KIF4A: variants seen among roughly 807,000 people sequenced by gnomAD.
The protein encoded by KIF4A is kinesin family member 4A.
A neutral mutation model predicts 105.9 loss-of-function variants in KIF4A; 7 were observed. That is an observed-to-expected ratio of 0.07 (90% confidence interval 0.04 to 0.12). The LOEUF (loss-of-function observed/expected upper bound fraction) is 0.12. Among genes scored for constraint, KIF4A ranks in the 10% least tolerant of loss-of-function variants. KIF4A has a pLI of 1.00. For synonymous variants in KIF4A, 281 were observed against 331.3 expected (o/e 0.85, Z 1.65); for missense variants, 558 against 929.2 (o/e 0.60, Z 5.19).
chrX:70,351,569 G>T, intron 13 of KIF4A, among the ~76,000 whole-genome samples: 3 of 111,124 alleles, frequency 2.7e-5, no homozygotes. Flanking sequence ...TAAAGAAAAT[G>T]TGGTATGGTA....
chrX:70,367,294 T>C (rs1381192516), intron 15 of KIF4A, among the ~76,000 whole-genome samples: 1 of 111,626 alleles, frequency 9.0e-6, no homozygotes, highest in Non-Finnish European at 1.9e-5. Flanking sequence ...CCTGTCATTA[T>C]GATGTTAGCT....
At chrX:70,353,982 A>G (rs2086041470) in intron 15 of KIF4A, among the ~76,000 whole-genome samples, 175 bp downstream of exon 15, 1 of 112,528 alleles carries the variant, frequency 8.9e-6, no homozygotes, top group African/African-American at 3.2e-5. Flanking sequence ...GGAGCATGTA[A>G]TTTTGTTCCA....
Position 70,375,348 on chromosome X carries a change from G to A in KIF4A, c.1923G>A (p.Arg641=). The change falls in exon 17 of 31, where the codon CGG becomes CGA. Residue 641 remains arginine (R), a splice_region_variant and synonymous_variant. Transcript: ENST00000374403. ...RTVSKLNQEI[R]MMKNQRVQLM... ...TCTCCAAACTGAACCAGGAGATACG[G>A]GTAATAAATTCTCATCCTTGCATTT... The A allele has an allele frequency of 8.3e-7, 1 of 1,206,804 alleles. No individual in the cohort carries two copies. Among genetic ancestry groups the A allele is most frequent in the Non-Finnish European group, 1.1e-6 (1 of 892,711 alleles).
At chrX:70,343,819 G>A in intron 12 of KIF4A, 58 bp downstream of exon 12, 5 of 1,188,265 alleles carry the variant, frequency 4.2e-6, no homozygotes, top group Non-Finnish European at 5.7e-6. Context: ...TATAATCGTG[G>A]AGCCTCTGGC....
intron 21 of KIF4A, 35 bp downstream of exon 21, chrX:70,395,861 C>G: frequency 8.3e-7 from 1 of 1,203,667 alleles, no homozygotes; most frequent in Non-Finnish European, 1.1e-6. Context: ...TGCCAATAAT[C>G]AGACTCTACA....
chrX:70,319,517 T>C (rs1216317766), intron 7 of KIF4A, among the ~76,000 whole-genome samples: 2 of 111,921 alleles, frequency 1.8e-5, no homozygotes, highest in African/African-American at 6.5e-5. Context: ...TTCTTTCATA[T>C]ATTAAGTGCC....
In KIF4A at chrX:70,415,970, C is replaced by T. The variant is rs779767747; in HGVS notation, c.3256-1918C>T. Among the ~76,000 whole-genome samples the T allele has an allele frequency of 6.7e-5, 7 of 103,733 alleles. No individual in the cohort carries two copies. The East Asian group carries it at 2.1e-3, about 32-fold the overall frequency. The allele number at this position is 103,733 out of a possible 115,157, so 90.1% of individuals were successfully genotyped here. A position where few individuals can be genotyped will look rare whatever the true frequency, so the allele number is the denominator to read the frequency against. ...GCAACCTCCGCCTCCCGGGTTCAAG[C>T]GATTCTCCTGCCTCAGCCTCCTGAG... On this transcript the variant is annotated intron_variant, in intron 28 of 30. Transcript: ENST00000374403.
chrX:70,310,663 T>C (rs1342427150), intron 7 of KIF4A, among the ~76,000 whole-genome samples: 1 of 111,426 alleles, frequency 9.0e-6, no homozygotes, highest in Non-Finnish European at 1.9e-5. Context: ...TTCTCTAACA[T>C]GGTTTGTATC....
At chrX:70,354,444 T>C (rs1366409493) in intron 15 of KIF4A, among the ~76,000 whole-genome samples, 1 of 112,632 alleles carries the variant, frequency 8.9e-6, no homozygotes, top group African/African-American at 3.2e-5. Flanking sequence ...CAAGGTATTA[T>C]GTGTTTATAT....
chrX:70,293,100 C>T (rs2085767510), intron 3 of KIF4A, among the ~76,000 whole-genome samples: 1 of 111,798 alleles, frequency 8.9e-6, no homozygotes, highest in Admixed American at 9.5e-5. Context: ...TTCTCTTGCC[C>T]CATAGTCATG....
chrX:70,313,334 G>T (rs1041259423), intron 7 of KIF4A, among the ~76,000 whole-genome samples: 3 of 111,786 alleles, frequency 2.7e-5, no homozygotes, highest in Non-Finnish European at 5.6e-5. Context: ...AAACTTTGTA[G>T]CTTGACTTCA....
In KIF4A at chrX:70,404,029, G is replaced by C. The variant is rs1264606746; in HGVS notation, c.2785G>C (p.Glu929Gln). The C allele has an allele frequency of 4.1e-5, 49 of 1,209,238 alleles. No homozygotes were observed. Among genetic ancestry groups the C allele is most frequent in the Non-Finnish European group, 5.1e-5 (46 of 894,712 alleles). Residue 929 changes from glutamate (E) to glutamine (Q), a missense_variant, in exon 24 of 31, where the codon GAG becomes CAG. By Grantham distance (29) the Glu-to-Gln change is conservative. Around this residue, in one of 2 missense-constraint regions of KIF4A, gnomAD observed 469 missense variants for 680.4 expected, o/e 0.69. Coordinates refer to ENST00000374403, the MANE Select transcript of KIF4A (RefSeq NM_012310.5). The stretch of plus-strand genomic sequence containing the variant: ...GGTCAGAATGGAGCAACAGCACCAA[G>C]AGAAGGTAAACTCTAGCAAGTCAAG... ...ELVRMEQQHQ[E>Q]KVLYLLSQLQ...
In KIF4A at chrX:70,375,194, C is replaced by G; in HGVS notation, c.1779-10C>G. ...CTGGTAGTCCTCACTTCTACAGCAT[C>G]TGTGTTTAGGTTGAGTGAGCGCCGC... On this transcript the variant is annotated splice_polypyrimidine_tract_variant and intron_variant, in intron 16 of 30. Transcript: ENST00000374403. 8.3e-7 allele frequency: 1 copy of G among 1,209,086 alleles called. No homozygotes were observed. Among genetic ancestry groups the G allele is most frequent in the Non-Finnish European group, 1.1e-6 (1 of 894,872 alleles).
intron 7 of KIF4A, among the ~76,000 whole-genome samples, chrX:70,304,788 C>T (rs1258787768): frequency 1.9e-5 from 2 of 108,076 alleles, no homozygotes; most frequent in Non-Finnish European, 3.8e-5. Context: ...CCTCCCATAG[C>T]TGGGGTTACA....
At chrX:70,402,761 G>A (rs2086287129) in intron 23 of KIF4A, 66 bp downstream of exon 23, 2 of 1,128,415 alleles carry the variant, frequency 1.8e-6, no homozygotes, top group Non-Finnish European at 2.4e-6. Context: ...TGTTAGCCTT[G>A]AAATATTGTC....
intron 13 of KIF4A, among the ~76,000 whole-genome samples, chrX:70,344,752 A>C (rs1247908398): frequency 8.9e-6 from 1 of 111,767 alleles, no homozygotes; most frequent in Non-Finnish European, 1.9e-5. Context: ...AGAGATTTTA[A>C]TTTTACCAGA....
chrX:70,362,502 A>G (rs2086080419), intron 15 of KIF4A: 1 of 124,635 alleles, frequency 8.0e-6, no homozygotes, highest in Non-Finnish European at 1.6e-5. Flanking sequence ...CCTTTTCCCC[A>G]TGGTATCAAA....
intron 9 of KIF4A, among the ~76,000 whole-genome samples, chrX:70,333,010 G>A (rs922061826): frequency 9.0e-5 from 10 of 111,043 alleles, no homozygotes; most frequent in Middle Eastern, 4.2e-3. Context: ...ATGTCCGTAC[G>A]TTGTCTAGCC....
intron 17 of KIF4A, among the ~76,000 whole-genome samples, chrX:70,375,775 A>G (rs1045121510): frequency 8.9e-6 from 1 of 111,986 alleles, no homozygotes; most frequent in African/African-American, 3.2e-5. Context: ...TTTAGAATAC[A>G]ATGGTTACTA....
Sources: gnomAD v4.1 joint callset for allele counts (sites outside exome capture counted in the v4.1 genomes callset) on GRCh38, gnomAD v4.1.1 for gene constraint, gnomAD v4.1.1 regional missense constraint, MANE v1.5 for transcripts, NCBI Gene and HGNC (gene_info 2026-07-23, HGNC 2026-07-21) for gene names.